Variants in PTP4A3 observed in about 807,000 individuals in gnomAD.
PTP4A3 encodes the protein protein tyrosine phosphatase 4A3.
Under a neutral mutation model 15.2 loss-of-function variants are expected in PTP4A3, and 9 were observed. The ratio of observed to expected loss-of-function variants is 0.59; its 90% CI spans 0.36 to 1.03. The LOEUF is 1.03. Among genes scored for constraint, PTP4A3 ranks in the 50% least tolerant of loss-of-function variants. The probability of loss-of-function intolerance (pLI) is 0.02; values close to 1 mark genes in which losing one functional copy is unlikely to be tolerated. For synonymous variants in PTP4A3, 95 were observed against 102.0 expected (o/e 0.93, Z 0.41); for missense variants, 234 against 252.1 (o/e 0.93, Z 0.49).
intron 1 of PTP4A3, among the ~76,000 whole-genome samples, chr8:141,395,783 C>G (rs1832435649): frequency 6.6e-6 from 1 of 150,406 alleles, no homozygotes; most frequent in Non-Finnish European, 1.5e-5. Context: ...GTGGGGATGT[C>G]CCCTGGCTCC....
chr8:141,411,813 C>G (rs1306241262), intron 1 of PTP4A3, among the ~76,000 whole-genome samples: 1 of 152,136 alleles, frequency 6.6e-6, no homozygotes, highest in African/African-American at 2.4e-5. Context: ...ACAGGGTGAC[C>G]GCGCCTGCTG....
At chr8:141,423,999 G>C (rs1262203757) in intron 2 of PTP4A3, among the ~76,000 whole-genome samples, 2 of 151,922 alleles carry the variant, frequency 1.3e-5, no homozygotes, top group Non-Finnish European at 2.9e-5. Flanking sequence ...TCAGGGCTCA[G>C]TGTGTGACCA....
Position 141,425,966 on chromosome 8 carries a change from T to C in PTP4A3, c.198+826T>C, listed in dbSNP as rs1325982502. Reference sequence around the variant, plus strand: ...TTCCTCACCTCAAAGCGAGGCTGCTTGGAAGAATGGGAGGCAAAGGCATGT... The same window carrying C: ...TTCCTCACCTCAAAGCGAGGCTGCTCGGAAGAATGGGAGGCAAAGGCATGT... On this transcript the variant is annotated intron_variant, in intron 3 of 5. Transcript: ENST00000521578. This position sits in a 1 kb window ranked among gnomAD's most constrained non-coding sequence, Gnocchi z 4.2. Among the ~76,000 whole-genome samples, 3 of 152,294 alleles carry C rather than the reference T, an allele frequency of 2.0e-5. No individual in the cohort carries two copies. Among genetic ancestry groups the C allele is most frequent in the African/African-American group, 7.2e-5 (3 of 41,562 alleles).
intron 1 of PTP4A3, among the ~76,000 whole-genome samples, chr8:141,395,114 G>T (rs1177874789): frequency 6.6e-6 from 1 of 152,228 alleles, no homozygotes; most frequent in Non-Finnish European, 1.5e-5. Flanking sequence ...TTAGCCGAGC[G>T]GGATCAGGGC....
intron 1 of PTP4A3, among the ~76,000 whole-genome samples, chr8:141,404,990 C>G (rs1832688481): frequency 6.6e-6 from 1 of 152,222 alleles, no homozygotes; most frequent in African/African-American, 2.4e-5. Context: ...CAGAAATCCT[C>G]ATCCCACGGC....
chr8:141,426,962 GC>G lies in PTP4A3; in HGVS notation c.227del (p.Pro76ArgfsTer5). 6.2e-7 allele frequency: 1 copy of G among 1,610,518 alleles called. No homozygotes were observed. The highest frequency in any genetic ancestry group is 8.5e-7 in the Non-Finnish European group (1 of 1,179,832). On this transcript the variant is annotated frameshift_variant, in exon 4 of 6. Transcript: ENST00000521578. LOFTEE classifies it high-confidence loss of function. Reference sequence around the variant, plus strand: ...AGGACTGGCCGTTTGACGATGGGGCGCCCCCGCCCGGCAAGGTAGTGGAAGA... The same window carrying G: ...AGGACTGGCCGTTTGACGATGGGGCGCCCCGCCCGGCAAGGTAGTGGAAGA... The part of the protein sequence containing the change: ...VVDWPFDDGA[P>X]PPGKVVEDWL...
intron 5 of PTP4A3, among the ~76,000 whole-genome samples, chr8:141,430,424 G>A (rs1479915488): frequency 3.3e-5 from 5 of 151,954 alleles, no homozygotes; most frequent in Admixed American, 6.5e-5. Flanking sequence ...CGGGGACAGG[G>A]TGAGCGCATA....
At chr8:141,421,089 CGG>C (rs909920796) in intron 1 of PTP4A3, among the ~76,000 whole-genome samples, 14 of 152,280 alleles carry the variant, frequency 9.2e-5, no homozygotes, top group African/African-American at 3.1e-4. Context: ...ATCATGTCCT[CGG>C]GGGTGTGTGT....
At chr8:141,403,992 A>C (rs1832663822) in intron 1 of PTP4A3, among the ~76,000 whole-genome samples, 1 of 152,278 alleles carries the variant, frequency 6.6e-6, no homozygotes, top group South Asian at 2.1e-4. Flanking sequence ...CTCTGGGCAC[A>C]AGGTGGGACC....
intron 1 of PTP4A3, among the ~76,000 whole-genome samples, chr8:141,420,172 T>C (rs1406222616): frequency 6.6e-6 from 1 of 152,166 alleles, no homozygotes; most frequent in Non-Finnish European, 1.5e-5. Flanking sequence ...TGGAGGGCTC[T>C]GCTGGGCGAG....
At chr8:141,427,298 G>T (rs532483807) in intron 4 of PTP4A3, among the ~76,000 whole-genome samples, 1 of 152,286 alleles carries the variant, frequency 6.6e-6, no homozygotes, top group East Asian at 1.9e-4. Context: ...AAACCATCCT[G>T]ACATCTTGTG....
At chr8:141,421,018 G>T (rs796988878) in intron 1 of PTP4A3, among the ~76,000 whole-genome samples, 7 of 152,308 alleles carry the variant, frequency 4.6e-5, no homozygotes, top group African/African-American at 1.7e-4. Context: ...CCAGGCTCAG[G>T]CTTCTTAGGA....
intron 4 of PTP4A3, among the ~76,000 whole-genome samples, chr8:141,427,279 C>T (rs1325211060): frequency 1.3e-5 from 2 of 152,214 alleles, no homozygotes. Flanking sequence ...CTTCTTCCTG[C>T]TATGGTTGAA....
intron 2 of PTP4A3, among the ~76,000 whole-genome samples, chr8:141,424,029 C>T (rs954441960): frequency 1.3e-5 from 2 of 151,654 alleles, no homozygotes. Flanking sequence ...AGGGCTCAGC[C>T]TGTGACCAGG....
At chr8:141,414,634 G>A (rs1249676796) in intron 1 of PTP4A3, among the ~76,000 whole-genome samples, 1 of 150,098 alleles carries the variant, frequency 6.7e-6, no homozygotes, top group East Asian at 1.9e-4. Context: ...GGGGGGGGTA[G>A]GGACTGTTGG....
At chr8:141,411,464 C>T (rs931529850) in intron 1 of PTP4A3, among the ~76,000 whole-genome samples, 15 of 152,324 alleles carry the variant, frequency 9.8e-5, no homozygotes, top group African/African-American at 7.2e-5. Context: ...GCCTCAGTGG[C>T]GCCGTGTGCA....
chr8:141,396,391 C>A (rs1031743582), intron 1 of PTP4A3, among the ~76,000 whole-genome samples: 2 of 152,110 alleles, frequency 1.3e-5, no homozygotes, highest in Non-Finnish European at 2.9e-5. Context: ...GGGGAAAGGT[C>A]AGTAAATGGG....
At position 141,431,047 on chromosome 8, in the gene PTP4A3, C is replaced by T; in HGVS notation, c.*3C>T. The T allele has an allele frequency of 6.2e-7, 1 of 1,612,800 alleles. No individual in the cohort carries two copies. The highest frequency in any genetic ancestry group is 8.5e-7 in the Non-Finnish European group (1 of 1,179,650). On this transcript the variant is annotated 3_prime_UTR_variant, in exon 6 of 6. Transcript: ENST00000521578. ...AGACCCGGTGCTGCGTTATGTAGCT[C>T]AGGACCTTGGCTGGGCCTGGTCGTC...
At chr8:141,424,954 A>C in intron 2 of PTP4A3, 94 bp from the exon 3 acceptor site, 1 of 1,050,084 alleles carries the variant, frequency 9.5e-7, no homozygotes, top group Non-Finnish European at 1.4e-6. Flanking sequence ...TGTGGGGGAC[A>C]CAGCTGTGCC....
Sources: allele counts gnomAD v4.1 joint callset (sites outside exome capture counted in the v4.1 genomes callset), GRCh38; gene constraint gnomAD v4.1.1; non-coding constraint Gnocchi (gnomAD v3.1); transcripts MANE v1.5; gene names NCBI Gene and HGNC (gene_info 2026-07-23, HGNC 2026-07-21).